HOMER2: variants seen among roughly 807,000 people sequenced by gnomAD.
HOMER2 encodes homer protein homolog 2.
A neutral mutation model predicts 47.0 loss-of-function variants in HOMER2; 27 were observed. That is an observed-to-expected ratio of 0.57 (90% CI 0.42 to 0.79). The LOEUF (loss-of-function observed/expected upper bound fraction) is 0.79. HOMER2 is among the 30% of genes least tolerant of loss of function. The pLI is 0.00. For synonymous variants in HOMER2, 161 were observed against 163.8 expected (o/e 0.98, Z 0.13); for missense variants, 443 against 435.0 (o/e 1.02, Z -0.16).
chr15:82,859,182 A>G, intron 4 of HOMER2, 47 bp from the exon 5 acceptor site: 1 of 1,613,552 alleles, frequency 6.2e-7, no homozygotes, highest in Non-Finnish European at 8.5e-7. Context: ...GCCAAAGTGA[A>G]TTATCTTCAC....
chr15:82,868,541 A>ATATATATATATATATT, intron 3 of HOMER2, among the ~76,000 whole-genome samples: 3 of 71,264 alleles, frequency 4.2e-5, no homozygotes, highest in South Asian at 4.9e-4. Context: ...ATATATATAT[A>ATATATATATATATATT]TTTTTTTTTT....
chr15:82,905,616 G>A (rs544322331), intron 1 of HOMER2, among the ~76,000 whole-genome samples: 1 of 152,276 alleles, frequency 6.6e-6, no homozygotes, highest in South Asian at 2.1e-4. Flanking sequence ...AGATAAGAAT[G>A]ACATCTAACT....
intron 1 of HOMER2, among the ~76,000 whole-genome samples, chr15:82,962,127 T>C (rs1246167886): frequency 6.6e-6 from 1 of 150,682 alleles, no homozygotes; most frequent in African/African-American, 2.4e-5. Flanking sequence ...TGCCAGCACT[T>C]TGGGAGTCCG....
chr15:82,905,635 GC>G (rs1261075882), intron 1 of HOMER2, among the ~76,000 whole-genome samples: 1 of 152,140 alleles, frequency 6.6e-6, no homozygotes, highest in Non-Finnish European at 1.5e-5. Context: ...CTTCTCAGAA[GC>G]CCTGCAAGTG....
At chr15:82,932,385 C>T (rs2054033860) in intron 1 of HOMER2, among the ~76,000 whole-genome samples, 1 of 151,952 alleles carries the variant, frequency 6.6e-6, no homozygotes, top group Non-Finnish European at 1.5e-5. Flanking sequence ...GTCCCAGCTA[C>T]TTGGGAGGCT....
chr15:82,852,993 C>A (rs145763212), intron 6 of HOMER2, among the ~76,000 whole-genome samples: 1 of 152,356 alleles, frequency 6.6e-6, no homozygotes, highest in African/African-American at 2.4e-5. Flanking sequence ...GAGTGGACAG[C>A]AGGCGTGGAC....
chr15:82,836,445 A>G (rs1422084716), downstream of HOMER2, among the ~76,000 whole-genome samples: 1 of 152,228 alleles, frequency 6.6e-6, no homozygotes, highest in African/African-American at 2.4e-5. Context: ...CAGCAATACC[A>G]TGCTGCTTCC....
chr15:82,905,128 G>A (rs896638706), intron 1 of HOMER2, among the ~76,000 whole-genome samples: 4 of 152,136 alleles, frequency 2.6e-5, no homozygotes, highest in African/African-American at 4.8e-5. Context: ...GTAACAGAAC[G>A]AAGAGTGCCT....
At chr15:82,836,875 A>AGGGTGTGTAAAAGCACAT (rs1270180323), downstream of HOMER2, 4 of 152,276 alleles carry the variant, frequency 2.6e-5, no homozygotes, top group Non-Finnish European at 4.4e-5. Flanking sequence ...CTCAGACCAT[A>AGGGTGTGTAAAAGCACAT]GGGTGTGTAA....
At chr15:82,962,398 C>T (rs532347502) in intron 1 of HOMER2, among the ~76,000 whole-genome samples, 10 of 149,766 alleles carry the variant, frequency 6.7e-5, no homozygotes, top group Admixed American at 2.7e-4. Context: ...GTCCAGAGGC[C>T]GGGCATGGTG....
At chr15:82,954,027 A>T (rs1390069465), upstream of HOMER2, among the ~76,000 whole-genome samples, 3 of 152,148 alleles carry the variant, frequency 2.0e-5, no homozygotes, top group Non-Finnish European at 2.9e-5. Context: ...CAGCGAGCCG[A>T]GATCATGCCA....
chr15:82,843,794 T>G (rs1382968093), exon 2 of HOMER2: 1 of 152,192 alleles, frequency 6.6e-6, no homozygotes, highest in African/African-American at 2.4e-5. Context: ...TAATTGGGTC[T>G]GTCTTTCTGG....
chr15:82,965,429 A>T (rs1016021210), intron 1 of HOMER2, among the ~76,000 whole-genome samples: 36 of 152,212 alleles, frequency 2.4e-4, no homozygotes, highest in African/African-American at 8.4e-4. Context: ...AGCCAATCTG[A>T]CCTAATAGAA....
intron 1 of HOMER2, among the ~76,000 whole-genome samples, chr15:82,944,238 G>T (rs543704133): frequency 1.3e-5 from 2 of 152,110 alleles, no homozygotes; most frequent in Non-Finnish European, 2.9e-5. Context: ...CCATCCTGCC[G>T]TTCTTCCCAC....
chr15:82,913,432 C>A lies in HOMER2; in HGVS notation c.6-20591G>T, dbSNP rs2151154679. On this transcript the variant is annotated intron_variant, in intron 1 of 8. Transcript: ENST00000450735. The surrounding 1 kb of genome is among the most constrained non-coding windows in gnomAD (Gnocchi z 4.1). ...AACTTCTCTTCTGCATCTGGAAACC[C>A]CATGCAGTTCCTAACCAATGGTGCC... Among the ~76,000 whole-genome samples the A allele has an allele frequency of 6.6e-6, 1 of 152,272 alleles. No homozygotes were observed.
intron 1 of HOMER2, 26 bp from the exon 2 acceptor site, chr15:82,892,867 G>T: frequency 6.7e-7 from 1 of 1,483,860 alleles, no homozygotes. Flanking sequence ...GGGCGTGTGA[G>T]TTGAGAGAAC....
rs550840268 is a variant in HOMER2 at position 82,962,322 on chromosome 15, G to A, written n.83-3014C>T. On this transcript the variant is annotated intron_variant and non_coding_transcript_variant, in intron 1 of 1. Coordinates refer to the HOMER2 transcript ENST00000500334. ...GGAGCTTGCAGTGAGCTGAGATTGCGCCACTGCACTCCAGCCTGGGCGACA... is the reference window on the plus strand; with the variant it reads ...GGAGCTTGCAGTGAGCTGAGATTGCACCACTGCACTCCAGCCTGGGCGACA... Among the ~76,000 whole-genome samples, 17 of 142,238 alleles carry A rather than the reference G, an allele frequency of 1.2e-4. No homozygotes were observed. The East Asian group carries it at 2.3e-3, about 19-fold the overall frequency. The allele number at this position is 142,238 out of a possible 152,430, so 93.3% of individuals were successfully genotyped here.
intron 5 of HOMER2, among the ~76,000 whole-genome samples, chr15:82,856,931 G>C (rs971814079): frequency 6.6e-6 from 1 of 152,146 alleles, no homozygotes; most frequent in Non-Finnish European, 1.5e-5. Context: ...GGTGATGGAA[G>C]GTTTACTAGC....
intron 1 of HOMER2, among the ~76,000 whole-genome samples, chr15:82,934,802 G>A (rs1180767356): frequency 6.6e-6 from 1 of 152,192 alleles, no homozygotes; most frequent in Non-Finnish European, 1.5e-5. Context: ...CTGTCACTCT[G>A]CAGTGGCCGA....
Sources: allele counts gnomAD v4.1 joint callset (sites outside exome capture counted in the v4.1 genomes callset), GRCh38; gene constraint gnomAD v4.1.1; non-coding constraint Gnocchi (gnomAD v3.1); transcripts MANE v1.5; gene names NCBI Gene and HGNC (gene_info 2026-07-23, HGNC 2026-07-21).